The following TSPAN7 variants were observed in gnomAD, a reference collection of about 807,000 sequenced individuals.
TSPAN7 encodes tetraspanin-7.
A neutral mutation model predicts 17.6 loss-of-function variants in TSPAN7; 1 was observed. The observed-to-expected ratio is 0.06, with a 90% CI of 0.02 to 0.27. TSPAN7 has a LOEUF of 0.27. Among genes scored for constraint, TSPAN7 ranks in the 10% least tolerant of loss-of-function variants. TSPAN7 has a pLI of 1.00. For synonymous variants in TSPAN7, 78 were observed against 79.0 expected (o/e 0.99, Z 0.07); for missense variants, 112 against 201.7 (o/e 0.56, Z 2.69).
intron 1 of TSPAN7, among the ~76,000 whole-genome samples, chrX:38,652,020 C>T (rs776521747): frequency 9.0e-6 from 1 of 111,563 alleles, no homozygotes; most frequent in Non-Finnish European, 1.9e-5. Flanking sequence ...GGCAAATACT[C>T]CTTCCAGTGC....
intron 1 of TSPAN7, among the ~76,000 whole-genome samples, chrX:38,597,362 T>C (rs2069323593): frequency 9.0e-6 from 1 of 111,169 alleles, no homozygotes; most frequent in Non-Finnish European, 1.9e-5. Context: ...CTGATTTTTG[T>C]GCTTTATGTT....
At chrX:38,589,980 A>G (rs146980384) in intron 1 of TSPAN7, among the ~76,000 whole-genome samples, 3 of 113,006 alleles carry the variant, frequency 2.7e-5, no homozygotes, top group Non-Finnish European at 5.6e-5. Context: ...TGTGACTACA[A>G]ATTTCTGGTC....
intron 1 of TSPAN7, among the ~76,000 whole-genome samples, chrX:38,630,003 A>C (rs909206577): frequency 1.8e-5 from 2 of 111,986 alleles, no homozygotes; most frequent in Non-Finnish European, 3.8e-5. Flanking sequence ...ACAATCTTGT[A>C]CTATGGAAGG....
intron 1 of TSPAN7, among the ~76,000 whole-genome samples, chrX:38,642,849 T>C (rs1245717988): frequency 9.1e-6 from 1 of 110,432 alleles, no homozygotes; most frequent in East Asian, 2.8e-4. Flanking sequence ...TAATCCTACC[T>C]CCCATGAGGT....
chrX:38,635,044 G>T (rs2069572314), intron 1 of TSPAN7, among the ~76,000 whole-genome samples: 1 of 110,890 alleles, frequency 9.0e-6, no homozygotes, highest in South Asian at 3.9e-4. Context: ...CCCTGGTTCT[G>T]ACTCCATGGT....
Position 38,616,812 on chromosome X carries a change from T to C in TSPAN7, c.82-49309T>C, listed in dbSNP as rs772466190. Among the ~76,000 whole-genome samples the C allele has an allele frequency of 2.7e-5, 3 of 111,565 alleles. No individual in the cohort carries two copies. The South Asian group carries it at 1.2e-3, about 43-fold the overall frequency. ...TCAGAGCCACTCTATGCAATTTCCT[T>C]GAGCCCCTATGAACCTCCTCTCACC... is the stretch of plus-strand genomic sequence containing the variant. On this transcript the variant is annotated intron_variant, in intron 1 of 7. Coordinates refer to ENST00000378482, the MANE Select transcript of TSPAN7 (RefSeq NM_004615.4).
chrX:38,680,013 C>A (rs1370712991), intron 5 of TSPAN7, among the ~76,000 whole-genome samples: 1 of 111,515 alleles, frequency 9.0e-6, no homozygotes, highest in African/African-American at 3.3e-5. Context: ...TCAGGAAAAA[C>A]AACTATGGGT....
At chrX:38,678,953 A>G (rs2069872412) in intron 5 of TSPAN7, among the ~76,000 whole-genome samples, 1 of 111,795 alleles carries the variant, frequency 8.9e-6, no homozygotes, top group African/African-American at 3.3e-5. Flanking sequence ...GGAGCCTCCA[A>G]TTCTGCATTT....
At chrX:38,619,013 T>C (rs976118835) in intron 1 of TSPAN7, among the ~76,000 whole-genome samples, 5 of 111,955 alleles carry the variant, frequency 4.5e-5, no homozygotes, top group African/African-American at 1.3e-4. Context: ...CTTGTCTTTG[T>C]CCTGAGATTA....
chrX:38,676,953 T>C (rs1241576201), intron 5 of TSPAN7, among the ~76,000 whole-genome samples: 3 of 112,361 alleles, frequency 2.7e-5, no homozygotes, highest in Non-Finnish European at 5.6e-5. Flanking sequence ...GTGCTAAGCA[T>C]ACCTGGCATG....
At chrX:38,656,954 G>A (rs1313291663) in intron 1 of TSPAN7, among the ~76,000 whole-genome samples, 2 of 112,312 alleles carry the variant, frequency 1.8e-5, no homozygotes, top group African/African-American at 6.5e-5. Context: ...TGATGTAATA[G>A]AACATTTCTC....
At chrX:38,660,400 A>T (rs1442461392) in intron 1 of TSPAN7, among the ~76,000 whole-genome samples, 4 of 112,087 alleles carry the variant, frequency 3.6e-5, no homozygotes, top group Admixed American at 1.9e-4. Flanking sequence ...TCAGGTCCCA[A>T]CATTGTGCAA....
chrX:38,666,416 C>A, intron 2 of TSPAN7, 107 bp downstream of exon 2: 1 of 838,577 alleles, frequency 1.2e-6, no homozygotes. Context: ...AAGACCTTAA[C>A]AATTTCAGTC....
chrX:38,674,312 G>A lies in TSPAN7; in HGVS notation c.437G>A (p.Arg146His), dbSNP rs149275253. 3.5e-5 allele frequency: 41 copies of A among 1,184,309 alleles called. No homozygotes were observed. The African/African-American group carries it at 4.1e-4, about 12-fold the overall frequency. ...AGCCGGGCAGTGGACCATGTGCAGC[G>A]CAGCGTAAGTTCCAGAGGAGATGAG... ...ERSRAVDHVQ[R>H]SLSCCGVQNY... is the part of the protein sequence containing the mutation. Residue 146 changes from arginine to histidine, a missense_variant, in exon 4 of 8, where the codon CGC becomes CAC. By Grantham distance (29) the Arg-to-His change is conservative. Transcript: ENST00000378482.
chrX:38,652,524 T>C (rs1019138009), intron 1 of TSPAN7, among the ~76,000 whole-genome samples: 3 of 112,637 alleles, frequency 2.7e-5, no homozygotes, highest in Non-Finnish European at 5.6e-5. Flanking sequence ...TCCCTATAAC[T>C]TTCCCTAATA....
chrX:38,647,624 T>C (rs1184410031), intron 1 of TSPAN7, among the ~76,000 whole-genome samples: 1 of 112,167 alleles, frequency 8.9e-6, no homozygotes, highest in African/African-American at 3.2e-5. Context: ...AAGATGGACA[T>C]TTGTGAAGTT....
At chrX:38,683,066 A>C (rs2069902388) in intron 6 of TSPAN7, among the ~76,000 whole-genome samples, 1 of 111,936 alleles carries the variant, frequency 8.9e-6, no homozygotes, top group Admixed American at 9.5e-5. Context: ...TAGAACCATA[A>C]AGGGAGATTA....
At chrX:38,586,048 A>G (rs771255377) in intron 1 of TSPAN7, among the ~76,000 whole-genome samples, 24 of 112,761 alleles carry the variant, frequency 2.1e-4, no homozygotes, top group Non-Finnish European at 4.1e-4. Context: ...AGGATCACTC[A>G]TAGTGTTCTG....
chrX:38,653,873 G>A (rs747287331), intron 1 of TSPAN7, among the ~76,000 whole-genome samples: 2 of 112,262 alleles, frequency 1.8e-5, no homozygotes, highest in South Asian at 7.4e-4. Context: ...CCATTAACTC[G>A]TCATTTACAT....
Sources: gnomAD v4.1 joint callset for allele counts (sites outside exome capture counted in the v4.1 genomes callset) on GRCh38, gnomAD v4.1.1 for gene constraint, MANE v1.5 for transcripts, NCBI Gene and HGNC (gene_info 2026-07-23, HGNC 2026-07-21) for gene names.